The following ATP8B3 variants were observed in gnomAD, a reference collection of about 807,000 sequenced individuals.
The protein encoded by ATP8B3 is ATPase phospholipid transporting 8B3, also known as phospholipid-transporting ATPase IK.
ATP8B3 carries 141 observed loss-of-function variants against 140.9 expected under a neutral mutation model. The observed-to-expected ratio is 1.00, with a 90% confidence interval of 0.87 to 1.15. The LOEUF is 1.15. Ranked by LOEUF, ATP8B3 falls within the 50% of genes most tolerant of loss-of-function variation. The pLI is 0.00. For synonymous variants in ATP8B3, 765 were observed against 714.6 expected, an observed-to-expected ratio of 1.07 and a Z score of -1.13; for missense variants, 1,874 against 1,740.6, an observed-to-expected ratio of 1.08 and a Z score of -1.36.
intron 24 of ATP8B3, 75 bp downstream of exon 24, chr19:1,788,822 G>A (rs537827443): frequency 2.9e-6 from 4 of 1,386,214 alleles, no homozygotes; most frequent in Non-Finnish European, 4.0e-6. Context: ...GTCCAGGGCT[G>A]CTCCTGGCAG....
At chr19:1,792,623 G>A (rs978953335) in intron 18 of ATP8B3, among the ~76,000 whole-genome samples, 3 of 149,074 alleles carry the variant, frequency 2.0e-5, no homozygotes, top group East Asian at 2.0e-4. Flanking sequence ...AAGAAAGCGG[G>A]GAAGAGGGCT....
rs966130474 is a variant in ATP8B3, at chr19:1,804,761, G to C, written c.904+613C>G. ...GCAGAGGTTGCAGTGAGCCAAGATC[G>C]CACCACTGCACTCCAGCCTGGGAGA... On this transcript the variant is annotated intron_variant, in intron 10 of 28. Coordinates refer to ENST00000310127, the MANE Select transcript of ATP8B3 (RefSeq NM_138813.4). 2.0e-5 allele frequency among the ~76,000 whole-genome samples: 3 copies of C among 152,056 alleles called. No individual in the cohort carries two copies. The South Asian group carries it at 6.2e-4, about 32-fold the overall frequency.
At chr19:1,790,906 C>A in intron 20 of ATP8B3, 74 bp from the exon 21 acceptor site, 2 of 1,378,572 alleles carry the variant, frequency 1.5e-6, no homozygotes, top group Non-Finnish European at 2.0e-6. Context: ...CCCACTCTGC[C>A]CGGTGAATCC....
chr19:1,800,001 G>A lies in ATP8B3; in HGVS notation c.1498C>T (p.Leu500Phe), dbSNP rs1167855861. 1.2e-6 allele frequency: 2 copies of A among 1,606,766 alleles called. No homozygotes were observed. The highest frequency in any genetic ancestry group is 2.2e-5 in the South Asian group (2 of 89,576). The stretch of plus-strand genomic sequence containing the variant: ...TTGAAGGTCAAGATGTTCTGCGTGA[G>A]CGTGCCCGTCTTGTCCGAGAAGATG... ...EYIFSDKTGT[L>F]TQNILTFNKC... The change falls in exon 14 of 29, where the codon CTC becomes TTC. Residue 500 changes from leucine (L) to phenylalanine (F), a missense_variant. Physicochemically the swap from Leu to Phe is conservative, Grantham distance 22 (BLOSUM62 0). Coordinates refer to ENST00000310127, the MANE Select transcript of ATP8B3 (RefSeq NM_138813.4). This position sits in a 1 kb window ranked among gnomAD's most constrained non-coding sequence, Gnocchi z 4.4.
rs879687260 is a variant in ATP8B3, at chr19:1,807,119, C to G, written c.615+49G>C. 2.0e-6 allele frequency: 3 copies of G among 1,532,422 alleles called. No homozygotes were observed. Among genetic ancestry groups the G allele is most frequent in the African/African-American group, 1.4e-5 (1 of 73,266 alleles). The allele number at this position is 1,532,422 out of a possible 1,614,324, so 94.9% of individuals were successfully genotyped here. On this transcript the variant is annotated intron_variant, in intron 6 of 28. Transcript: ENST00000310127. This position sits in a 1 kb window ranked among gnomAD's most constrained non-coding sequence, Gnocchi z 5.9. ...TCGCCCAGGGATCAAGAGACCCCCC[C>G]GACCGGCCCCGCTCCCTCCCCCAGG... is the stretch of plus-strand genomic sequence containing the variant.
chr19:1,787,141 T>A lies in ATP8B3; in HGVS notation c.3115A>T (p.Ser1039Cys). Residue 1039 changes from serine to cysteine, a missense_variant, in exon 25 of 29, where the codon AGC becomes TGC. Ser to Cys is a moderately radical substitution (Grantham distance 112, BLOSUM62 -1). Around this residue, in one of 3 missense-constraint regions of ATP8B3, gnomAD observed 840 missense variants for 760.9 expected, o/e 1.10. Coordinates refer to ENST00000310127, the MANE Select transcript of ATP8B3 (RefSeq NM_138813.4). ...CCAATGTAGAGAACTGGCAGGGTGC[T>A]GTACAGGAGGTTGAAAAGAGCCAGG... ...WFLALFNLLY[S>C]TLPVLYIGLF... The A allele has an allele frequency of 6.2e-7, 1 of 1,610,898 alleles. No homozygotes were observed. The highest frequency in any genetic ancestry group is 8.5e-7 in the Non-Finnish European group (1 of 1,178,574).
In ATP8B3 at chr19:1,790,843, G is replaced by A. The variant is rs1002285302; in HGVS notation, c.2303-11C>T. On this transcript the variant is annotated splice_polypyrimidine_tract_variant and intron_variant, in intron 20 of 28. Transcript: ENST00000310127. ...TGTTCACAGCCGTTTCTGCGAAGCA[G>A]ACCAGCTCAGCGCCTCTGCGACCCG... 1 of 1,588,934 alleles carries A rather than the reference G, an allele frequency of 6.3e-7. No individual in the cohort carries two copies. The highest frequency in any genetic ancestry group is 1.3e-5 in the African/African-American group (1 of 74,480).
Position 1,782,927 on chromosome 19 carries a change from A to T in ATP8B3, c.*101T>A. 1 of 1,431,810 alleles carries T rather than the reference A, an allele frequency of 7.0e-7. No individual in the cohort carries two copies. The highest frequency in any genetic ancestry group is 1.4e-5 in the South Asian group (1 of 73,822). The allele number at this position is 1,431,810 out of a possible 1,614,324, so 88.7% of individuals were successfully genotyped here. On this transcript the variant is annotated 3_prime_UTR_variant, in exon 29 of 29. Coordinates refer to ENST00000310127, the MANE Select transcript of ATP8B3 (RefSeq NM_138813.4). ...AAGAGCGGATTGTCTATCCATAGAAAATGATGAGCTAGGTGTAGGGGGGAG... is the reference window on the plus strand; with the variant it reads ...AAGAGCGGATTGTCTATCCATAGAATATGATGAGCTAGGTGTAGGGGGGAG...
In ATP8B3 at chr19:1,782,842, A is replaced by C; in HGVS notation, c.*186T>G. 1.4e-6 allele frequency: 1 copy of C among 737,774 alleles called. No homozygotes were observed. The highest frequency in any genetic ancestry group is 1.9e-5 in the South Asian group (1 of 53,654). The allele number at this position is 737,774 out of a possible 1,614,324, so 45.7% of individuals were successfully genotyped here. ...TTGGCAATTGCTCTTGGAAAGACTC[A>C]GATAGCCTGTTGCTGCTGGTGAGCA... On this transcript the variant is annotated 3_prime_UTR_variant, in exon 29 of 29. Transcript: ENST00000310127.
chr19:1,796,820 G>A lies in ATP8B3; in HGVS notation c.1644C>T (p.Ala548=). ...ADGKLLFHNA[A]LLHLVRTNGD... ...CGTTGGTCCGCACGAGGTGCAGCAG[G>A]GCCGCATTGTGGAAGAGCAGCTTCC... Residue 548 remains alanine (A), a synonymous_variant, in exon 16 of 29, where the codon GCC becomes GCT. Coordinates refer to ENST00000310127, the MANE Select transcript of ATP8B3 (RefSeq NM_138813.4). 6.2e-7 allele frequency: 1 copy of A among 1,612,586 alleles called. No individual in the cohort carries two copies. The highest frequency in any genetic ancestry group is 8.5e-7 in the Non-Finnish European group (1 of 1,179,618).
rs186172399 is a variant in ATP8B3 at position 1,800,152 on chromosome 19, G to C, written c.1347C>G (p.Ser449=). The stretch of plus-strand genomic sequence containing the variant: ...CGCTGTTCCCCAGGTAGATGAACTC[G>C]GACCTGCAGAGGCACTCAGGGTCAC... ...VTIPMSMFIL[S]EFIYLGNSVF... is the part of the protein sequence containing the mutation. Residue 449 remains serine, a synonymous_variant, in exon 14 of 29, where the codon TCC becomes TCG. Transcript: ENST00000310127. The surrounding 1 kb of genome is among the most constrained non-coding windows in gnomAD (Gnocchi z 4.4). 1.3e-4 allele frequency: 199 copies of C among 1,558,074 alleles called. No individual in the cohort carries two copies. Among genetic ancestry groups the C allele is most frequent in the Non-Finnish European group, 1.7e-4 (194 of 1,150,484 alleles).
intron 27 of ATP8B3, 79 bp from the exon 28 acceptor site, chr19:1,785,025 T>C: frequency 6.6e-7 from 1 of 1,526,686 alleles, no homozygotes; most frequent in Admixed American, 2.1e-5. Context: ...CCTTGGTGCC[T>C]TTGTGCCTGG....
chr19:1,787,728 TAA>T (rs561418063), intron 24 of ATP8B3, among the ~76,000 whole-genome samples: 6 of 119,770 alleles, frequency 5.0e-5, no homozygotes, highest in Non-Finnish European at 8.6e-5. Flanking sequence ...AAACTCTGTC[TAA>T]AAAAAAAAAA....
At chr19:1,788,715 A>T (rs1049917691) in intron 24 of ATP8B3, among the ~76,000 whole-genome samples, 182 bp downstream of exon 24, 1 of 152,082 alleles carries the variant, frequency 6.6e-6, no homozygotes, top group African/African-American at 2.4e-5. Flanking sequence ...AGGGACCGTC[A>T]CCTCCCTTCA....
At chr19:1,789,320 C>G (rs750233757) in intron 23 of ATP8B3, 41 bp downstream of exon 23, 2 of 1,457,672 alleles carry the variant, frequency 1.4e-6, no homozygotes, top group South Asian at 2.7e-5. Context: ...AGCCGCCCCC[C>G]ACTCGTCCCA....
At chr19:1,793,888 C>A (rs544658761) in intron 18 of ATP8B3, among the ~76,000 whole-genome samples, 13 of 150,888 alleles carry the variant, frequency 8.6e-5, no homozygotes, top group East Asian at 3.9e-4. Flanking sequence ...GACTACAGGC[C>A]TGCACCACCA....
intron 20 of ATP8B3, 115 bp downstream of exon 20, chr19:1,791,635 C>T (rs1202583850): frequency 1.4e-5 from 11 of 760,292 alleles, no homozygotes; most frequent in East Asian, 8.1e-5. Flanking sequence ...TCAAGTGATC[C>T]GCCCGCCTCG....
At position 1,794,614 on chromosome 19, in the gene ATP8B3, C is replaced by T. The variant is rs2068612587; in HGVS notation, c.2055+1261G>A. Among the ~76,000 whole-genome samples, 1 of 152,076 alleles carries T rather than the reference C, an allele frequency of 6.6e-6. No individual in the cohort carries two copies. Among genetic ancestry groups the T allele is most frequent in the Non-Finnish European group, 1.5e-5 (1 of 67,996 alleles). On this transcript the variant is annotated intron_variant, in intron 18 of 28. Transcript: ENST00000310127. The surrounding 1 kb of genome is among the most constrained non-coding windows in gnomAD (Gnocchi z 4.8). ...TTGGCAGGGGGTGGGGCAGGAAAGGCCCCATGTGTGGGGAGCTTGTGGCTG... is the reference window on the plus strand; with the variant it reads ...TTGGCAGGGGGTGGGGCAGGAAAGGTCCCATGTGTGGGGAGCTTGTGGCTG...
chr19:1,799,779 A>AT (rs750013970), intron 14 of ATP8B3, 168 bp downstream of exon 14: 1 of 679,456 alleles, frequency 1.5e-6, no homozygotes, highest in Non-Finnish European at 2.5e-6. Context: ...AAAAAAAAAA[A>AT]TTTTCCTGGC....
Sources: gnomAD v4.1 joint callset for allele counts (sites outside exome capture counted in the v4.1 genomes callset) on GRCh38, gnomAD v4.1.1 for gene constraint, gnomAD v4.1.1 regional missense constraint, Gnocchi (gnomAD v3.1) non-coding constraint, MANE v1.5 for transcripts, NCBI Gene and HGNC (gene_info 2026-07-23, HGNC 2026-07-21) for gene names.